Variants in SH3BGR observed in about 807,000 individuals in gnomAD.
SH3BGR encodes the protein SH3 domain binding glutamate rich protein, also known as SH3 domain-binding glutamic acid-rich protein.
Under a neutral mutation model 24.5 loss-of-function variants are expected in SH3BGR, and 29 were observed. That is an observed-to-expected ratio of 1.18 (90% CI 0.88 to 1.61). SH3BGR has a LOEUF of 1.61. Among genes scored for constraint, SH3BGR ranks in the 40% most tolerant of loss-of-function variants. The pLI is 0.00. For missense variants in SH3BGR, 162 were observed against 205.8 expected (o/e 0.79, Z 1.30); for synonymous variants, 55 against 65.7 (o/e 0.84, Z 0.79).
At chr21:39,460,379 A>G (rs2077735187) in intron 1 of SH3BGR, among the ~76,000 whole-genome samples, 2 of 152,170 alleles carry the variant, frequency 1.3e-5, no homozygotes, top group Non-Finnish European at 1.5e-5. Flanking sequence ...TCTTATTTTC[A>G]TAACTGAATG....
chr21:39,463,102 T>C (rs1322861027), intron 2 of SH3BGR, among the ~76,000 whole-genome samples: 1 of 151,200 alleles, frequency 6.6e-6, no homozygotes, highest in Non-Finnish European at 1.5e-5. Context: ...CAGGCTGCTC[T>C]GGAACTCCTG....
At chr21:39,476,979 T>C (rs2078037989) in intron 3 of SH3BGR, among the ~76,000 whole-genome samples, 1 of 152,228 alleles carries the variant, frequency 6.6e-6, no homozygotes. Context: ...ATTTTCTGTC[T>C]GTTCATCACA....
intron 4 of SH3BGR, 69 bp downstream of exon 4, chr21:39,499,984 A>G: frequency 3.6e-6 from 4 of 1,117,038 alleles, no homozygotes; most frequent in Non-Finnish European, 5.5e-6. Context: ...CAGGGCTTGT[A>G]CAACTTGACT....
chr21:39,452,657 C>G (rs1313936145), intron 1 of SH3BGR, among the ~76,000 whole-genome samples: 1 of 152,140 alleles, frequency 6.6e-6, no homozygotes, highest in Admixed American at 6.6e-5. Flanking sequence ...AAAGTGATGT[C>G]ACAGTGACCA....
intron 1 of SH3BGR, among the ~76,000 whole-genome samples, chr21:39,461,534 A>G (rs1459865527): frequency 1.3e-5 from 2 of 152,200 alleles, no homozygotes; most frequent in African/African-American, 4.8e-5. Flanking sequence ...CGTGCAGGTT[A>G]TATTTATCGC....
intron 3 of SH3BGR, among the ~76,000 whole-genome samples, chr21:39,489,179 C>T (rs993441756): frequency 3.3e-5 from 5 of 152,148 alleles, no homozygotes; most frequent in African/African-American, 1.2e-4. Flanking sequence ...AACAAAAGAC[C>T]AGATGGAAGA....
chr21:39,502,758 G>A (rs554767870), intron 4 of SH3BGR, among the ~76,000 whole-genome samples: 18 of 152,332 alleles, frequency 1.2e-4, no homozygotes, highest in Non-Finnish European at 1.9e-4. Context: ...TCTGTCCCTT[G>A]GCATGGGCCA....
At chr21:39,488,598 C>A in intron 3 of SH3BGR, 2 of 262,682 alleles carry the variant, frequency 7.6e-6, no homozygotes, top group South Asian at 1.2e-4. Flanking sequence ...GGATTATGTC[C>A]GAGTCCAAGG....
chr21:39,501,330 T>G (rs1195949919), intron 4 of SH3BGR, among the ~76,000 whole-genome samples: 1 of 152,230 alleles, frequency 6.6e-6, no homozygotes, highest in Non-Finnish European at 1.5e-5. Context: ...TTGCTTCAGC[T>G]TCTCAGCCAC....
chr21:39,511,197 G>GGT lies in SH3BGR; in HGVS notation c.436-469_436-468dup, dbSNP rs372233479. Reference sequence around the variant, plus strand: ...GGTGTATATGGTGTGTGGTGTGTTTGGTGTGTGTGTGTGTGATGTGTGTTA... The same window carrying GGT: ...GGTGTATATGGTGTGTGGTGTGTTTGGTGTGTGTGTGTGTGTGATGTGTGTTA... On this transcript the variant is annotated intron_variant, in intron 5 of 6. Transcript: ENST00000333634. This position sits in a 1 kb window ranked among gnomAD's most constrained non-coding sequence, Gnocchi z 4.2. Among the ~76,000 whole-genome samples, 18 of 148,728 alleles carry GGT rather than the reference G, an allele frequency of 1.2e-4. No individual in the cohort carries two copies. The highest frequency in any genetic ancestry group is 2.0e-4 in the East Asian group (1 of 5,054).
intron 4 of SH3BGR, among the ~76,000 whole-genome samples, chr21:39,500,531 A>C (rs897916812): frequency 3.9e-5 from 6 of 152,048 alleles, no homozygotes; most frequent in African/African-American, 7.2e-5. Context: ...CTGACATAAT[A>C]GGGGATGGGA....
Position 39,511,587 on chromosome 21 carries a change from T to C in SH3BGR, c.436-93T>C. On this transcript the variant is annotated intron_variant, in intron 5 of 6. Transcript: ENST00000333634. The surrounding 1 kb of genome is among the most constrained non-coding windows in gnomAD (Gnocchi z 4.2). ...TGTTGTGTGGTGGGGTGTGGGAGGC[T>C]TTGACCTCTAGTCCAGCATTTTACA... The C allele has an allele frequency of 7.7e-7, 1 of 1,305,552 alleles. No individual in the cohort carries two copies. Among genetic ancestry groups the C allele is most frequent in the Non-Finnish European group, 1.1e-6 (1 of 938,646 alleles). 80.9% of individuals were successfully genotyped at this position (1,305,552 alleles called of 1,614,324 possible).
intron 3 of SH3BGR, among the ~76,000 whole-genome samples, chr21:39,499,410 C>T (rs2078455378): frequency 6.6e-6 from 1 of 152,130 alleles, no homozygotes; most frequent in African/African-American, 2.4e-5. Flanking sequence ...TGCATCCATC[C>T]ATTTATCCAT....
chr21:39,509,635 T>C (rs551228360), intron 5 of SH3BGR, among the ~76,000 whole-genome samples: 57 of 151,830 alleles, frequency 3.8e-4, no homozygotes, highest in African/African-American at 1.3e-3. Context: ...TCACCACACC[T>C]GGCTAATTTT....
At chr21:39,482,701 G>A (rs563353153) in intron 3 of SH3BGR, among the ~76,000 whole-genome samples, 1 of 151,532 alleles carries the variant, frequency 6.6e-6, no homozygotes, top group Non-Finnish European at 1.5e-5. Context: ...ACAGAGTCTC[G>A]CTCTGTCACC....
At chr21:39,451,954 G>A (rs778846220), upstream of SH3BGR, 22 of 1,614,154 alleles carry the variant, frequency 1.4e-5, no homozygotes, top group East Asian at 2.5e-4. Context: ...AAGTTGGAGC[G>A]GGACTGCCGG....
chr21:39,472,054 C>T (rs1438499260), intron 2 of SH3BGR, among the ~76,000 whole-genome samples: 1 of 152,150 alleles, frequency 6.6e-6, no homozygotes, highest in South Asian at 2.1e-4. Context: ...TCTTCATGCT[C>T]TCACTATGTT....
At chr21:39,510,366 A>ACGCGCG (rs1491589053) in intron 5 of SH3BGR, among the ~76,000 whole-genome samples, 651 of 25,800 alleles carry the variant, frequency 0.025, 13 homozygotes, top group African/African-American at 0.055. Flanking sequence ...GTAGCTACAT[A>ACGCGCG]CACACACACA....
chr21:39,502,583 C>T (rs957433200), intron 4 of SH3BGR, among the ~76,000 whole-genome samples: 5 of 152,212 alleles, frequency 3.3e-5, no homozygotes, highest in African/African-American at 9.7e-5. Flanking sequence ...GCTTTAAATT[C>T]CCTCTATCTG....
Sources: allele counts gnomAD v4.1 joint callset (sites outside exome capture counted in the v4.1 genomes callset), GRCh38; gene constraint gnomAD v4.1.1; non-coding constraint Gnocchi (gnomAD v3.1); transcripts MANE v1.5; gene names NCBI Gene and HGNC (gene_info 2026-07-23, HGNC 2026-07-21).